LPAR1: variants seen among roughly 807,000 people sequenced by gnomAD.
The protein encoded by LPAR1 is lysophosphatidic acid receptor 1.
A neutral mutation model predicts 23.8 loss-of-function variants in LPAR1; 5 were observed. The observed-to-expected ratio is 0.21, with a 90% CI of 0.11 to 0.44. The LOEUF (loss-of-function observed/expected upper bound fraction) is 0.44, where lower values mean the gene tolerates loss of function less well. Ranked by LOEUF, LPAR1 falls within the 20% of genes least tolerant of loss-of-function variation. The probability of loss-of-function intolerance (pLI) is 0.99; values close to 1 mark genes in which losing one functional copy is unlikely to be tolerated. For missense variants in LPAR1, 311 were observed against 482.8 expected, an observed-to-expected ratio of 0.64 and a Z score of 3.33; for synonymous variants, 160 against 164.7, an observed-to-expected ratio of 0.97 and a Z score of 0.22.
rs1417579187 is a variant in LPAR1 at position 110,988,920 on chromosome 9, G to A, written c.-181-15362C>T. Among the ~76,000 whole-genome samples the A allele has an allele frequency of 5.3e-5, 8 of 151,856 alleles. No homozygotes were observed. In the East Asian group the frequency reaches 1.5e-3, roughly 29 times the overall value. ...CTGTTGAAAGGATAAAGTTAAATATGGTATTTTTAAACAATGGAATATTAT... is the reference window on the plus strand; with the variant it reads ...CTGTTGAAAGGATAAAGTTAAATATAGTATTTTTAAACAATGGAATATTAT... On this transcript the variant is annotated intron_variant, in intron 2 of 5. Transcript: ENST00000683809.
intron 2 of LPAR1, among the ~76,000 whole-genome samples, chr9:110,982,628 T>TA: frequency 6.6e-6 from 1 of 151,202 alleles, no homozygotes; most frequent in Admixed American, 6.6e-5. Context: ...AGTATAATAA[T>TA]AAAAAATAAA....
intron 5 of LPAR1, among the ~76,000 whole-genome samples, chr9:110,882,577 C>T (rs2081183361): frequency 6.6e-6 from 1 of 152,120 alleles, no homozygotes; most frequent in Non-Finnish European, 1.5e-5. Flanking sequence ...AATTTGTATC[C>T]TATAATTTTA....
At chr9:111,016,029 T>C (rs2097437826) in intron 2 of LPAR1, among the ~76,000 whole-genome samples, 2 of 152,062 alleles carry the variant, frequency 1.3e-5, no homozygotes, top group Non-Finnish European at 2.9e-5. Context: ...CCCTAACATA[T>C]AATGCTAATC....
chr9:110,959,812 T>C lies in LPAR1; in HGVS notation c.45+12261A>G, dbSNP rs186350753. On this transcript the variant is annotated intron_variant, in intron 4 of 5. Coordinates refer to ENST00000683809, the MANE Select transcript of LPAR1 (RefSeq NM_001351411.2). ...ATATACACAATGGGATACTATCTGG[T>C]CATAAAAAAGAATGAAATCATGTCA... Among the ~76,000 whole-genome samples the C allele has an allele frequency of 4.2e-3, 645 of 152,114 alleles. 2 individuals carry two copies. Among genetic ancestry groups the C allele is most frequent in the Non-Finnish European group, 7.2e-3 (489 of 67,974 alleles).
At chr9:110,983,637 AT>A (rs1360015974) in intron 2 of LPAR1, among the ~76,000 whole-genome samples, 1 of 152,036 alleles carries the variant, frequency 6.6e-6, no homozygotes, top group African/African-American at 2.4e-5. Flanking sequence ...AAGAGGGTAA[AT>A]TTTATGTTAT....
At chr9:110,884,825 T>G (rs2081926541) in intron 5 of LPAR1, among the ~76,000 whole-genome samples, 1 of 152,230 alleles carries the variant, frequency 6.6e-6, no homozygotes, top group Non-Finnish European at 1.5e-5. Flanking sequence ...CATCTGAGAC[T>G]TCTTTTACAA....
chr9:110,922,766 T>C (rs368091170), intron 5 of LPAR1, among the ~76,000 whole-genome samples: 4 of 151,216 alleles, frequency 2.6e-5, no homozygotes, highest in African/African-American at 4.9e-5. Flanking sequence ...CTAGGGAAGA[T>C]AGAAAAGTAA....
intron 2 of LPAR1, among the ~76,000 whole-genome samples, chr9:111,018,477 G>A (rs1490860776): frequency 2.6e-5 from 4 of 152,162 alleles, no homozygotes; most frequent in South Asian, 2.1e-4. Context: ...AACAGTAGCT[G>A]AATGGAATTA....
Position 110,954,629 on chromosome 9 carries a change from C to T in LPAR1, c.46-12461G>A, listed in dbSNP as rs74669036. ...ACCCTCATCAGACTAACAGATTTGT[C>T]AGGAGAAATTGTACAGGCCAGGAGA... On this transcript the variant is annotated intron_variant, in intron 4 of 5. Coordinates refer to ENST00000683809, the MANE Select transcript of LPAR1 (RefSeq NM_001351411.2). 6.4e-3 allele frequency among the ~76,000 whole-genome samples: 966 copies of T among 152,084 alleles called. 13 individuals are homozygous for T. Among genetic ancestry groups the T allele is most frequent in the African/African-American group, 0.022 (901 of 41,458 alleles).
intron 5 of LPAR1, among the ~76,000 whole-genome samples, chr9:110,884,523 T>C (rs2081826471): frequency 6.6e-6 from 1 of 152,164 alleles, no homozygotes; most frequent in African/African-American, 2.4e-5. Context: ...TCTATAAACA[T>C]TTGTTGAATG....
chr9:110,936,757 G>A (rs2094733131), intron 5 of LPAR1, among the ~76,000 whole-genome samples: 1 of 152,058 alleles, frequency 6.6e-6, no homozygotes, highest in Non-Finnish European at 1.5e-5. Context: ...TCTCTCCCCA[G>A]GACTCAGATG....
intron 2 of LPAR1, among the ~76,000 whole-genome samples, chr9:111,008,153 AAT>A (rs1293205968): frequency 6.6e-6 from 1 of 151,296 alleles, no homozygotes; most frequent in Admixed American, 6.6e-5. Context: ...CAACCTGGGC[AAT>A]AGAACAAGAC....
At chr9:110,953,108 C>T (rs552670910) in intron 4 of LPAR1, among the ~76,000 whole-genome samples, 5 of 152,320 alleles carry the variant, frequency 3.3e-5, no homozygotes, top group African/African-American at 1.2e-4. Context: ...ATCACTAATA[C>T]TGCTATCTCC....
At chr9:110,964,515 T>A (rs191580285) in intron 4 of LPAR1, among the ~76,000 whole-genome samples, 2 of 152,322 alleles carry the variant, frequency 1.3e-5, no homozygotes, top group East Asian at 3.9e-4. Flanking sequence ...CTAAAATACT[T>A]CATCCCCCAA....
At chr9:111,023,576 A>G (rs1763702554) in intron 2 of LPAR1, among the ~76,000 whole-genome samples, 1 of 152,030 alleles carries the variant, frequency 6.6e-6, no homozygotes, top group South Asian at 2.1e-4. Context: ...GCCACCAGTG[A>G]TAACGACTGC....
chr9:110,912,720 G>GT (rs1200277478), intron 5 of LPAR1, among the ~76,000 whole-genome samples: 1 of 152,038 alleles, frequency 6.6e-6, no homozygotes, highest in Non-Finnish European at 1.5e-5. Flanking sequence ...CCATATTACA[G>GT]TTTTTTTCAT....
intron 2 of LPAR1, among the ~76,000 whole-genome samples, chr9:111,035,152 T>C (rs1348618229): frequency 6.6e-6 from 1 of 152,198 alleles, no homozygotes; most frequent in East Asian, 1.9e-4. Context: ...TGGAAGGAAT[T>C]CAATAATTGT....
At chr9:110,984,501 A>T (rs1305109681) in intron 2 of LPAR1, among the ~76,000 whole-genome samples, 2 of 152,124 alleles carry the variant, frequency 1.3e-5, no homozygotes, top group African/African-American at 4.8e-5. Context: ...GGCTGCTTCC[A>T]AATCTTGGCT....
At chr9:110,893,608 C>T (rs570127677) in intron 5 of LPAR1, among the ~76,000 whole-genome samples, 1 of 152,252 alleles carries the variant, frequency 6.6e-6, no homozygotes, top group South Asian at 2.1e-4. Context: ...GTTGCATGGA[C>T]TTTGAATTTT....
Sources: allele counts gnomAD v4.1 joint callset (sites outside exome capture counted in the v4.1 genomes callset), GRCh38; gene constraint gnomAD v4.1.1; transcripts MANE v1.5; gene names NCBI Gene and HGNC (gene_info 2026-07-23, HGNC 2026-07-21).